SYT9: variants seen among roughly 807,000 people sequenced by gnomAD.
SYT9 encodes synaptotagmin 9.
SYT9 carries 22 observed loss-of-function variants against 48.4 expected under a neutral mutation model. That is an observed-to-expected ratio of 0.45 (90% CI 0.32 to 0.65). The LOEUF (loss-of-function observed/expected upper bound fraction) is 0.65. Among genes scored for constraint, SYT9 ranks in the 30% least tolerant of loss-of-function variants. The pLI, the probability that SYT9 is intolerant of heterozygous loss-of-function variation, is 0.03. For synonymous variants in SYT9, 265 were observed against 245.0 expected (o/e 1.08, Z -0.76); for missense variants, 577 against 622.0 (o/e 0.93, Z 0.77).
intron 3 of SYT9, among the ~76,000 whole-genome samples, chr11:7,378,658 A>T (rs1409617605): frequency 7.9e-5 from 12 of 152,090 alleles, no homozygotes; most frequent in Non-Finnish European, 1.8e-4. Flanking sequence ...TCCTATGAGT[A>T]TCCATGGAGC....
Position 7,417,980 on chromosome 11 carries a change from A to G in SYT9, c.1189A>G (p.Met397Val), listed in dbSNP as rs1239629417. 1 of 1,614,002 alleles carries G rather than the reference A, an allele frequency of 6.2e-7. No individual in the cohort carries two copies. The highest frequency in any genetic ancestry group is 8.5e-7 in the Non-Finnish European group (1 of 1,179,928). ...AGATCCCTATGTGAAAGTCTCGCTG[A>G]TGTGTGATGGCAGACGACTGAAGAA... ...ASDPYVKVSL[M>V]CDGRRLKKRK... Residue 397 changes from methionine (M) to valine (V), a missense_variant, in exon 5 of 7, where the codon ATG (methionine) becomes GTG (valine). Coordinates refer to ENST00000318881, the MANE Select transcript of SYT9 (RefSeq NM_175733.4).
chr11:7,464,093 A>G lies in SYT9; in HGVS notation c.1468-2699A>G, dbSNP rs543614592. On this transcript the variant is annotated intron_variant, in intron 6 of 6. Coordinates refer to ENST00000318881, the MANE Select transcript of SYT9 (RefSeq NM_175733.4). ...GGTACTTTGGGAGAGCTAAACCCAA[A>G]GCATTCTGAAGGAACTGCTTAAATG... Among the ~76,000 whole-genome samples the G allele has an allele frequency of 2.0e-5, 3 of 152,336 alleles. No individual in the cohort carries two copies. In the East Asian group the frequency reaches 5.8e-4, roughly 29 times the overall value.
At chr11:7,343,107 C>T (rs116368725) in intron 3 of SYT9, among the ~76,000 whole-genome samples, 3 of 152,294 alleles carry the variant, frequency 2.0e-5, no homozygotes, top group African/African-American at 2.4e-5. Flanking sequence ...GGCCTCTAGG[C>T]CTGTGATGGG....
intron 6 of SYT9, among the ~76,000 whole-genome samples, chr11:7,432,858 T>C (rs1390844572): frequency 6.6e-6 from 1 of 151,864 alleles, no homozygotes; most frequent in Admixed American, 6.6e-5. Context: ...GAATTAATGC[T>C]GGAATGACCT....
At chr11:7,443,568 C>T (rs112037111) in intron 6 of SYT9, among the ~76,000 whole-genome samples, 1 of 152,228 alleles carries the variant, frequency 6.6e-6, no homozygotes, top group Non-Finnish European at 1.5e-5. Flanking sequence ...CCAGCCAGCT[C>T]AGCTGAAATC....
At chr11:7,454,441 GAC>G (rs1848111857) in intron 6 of SYT9, 2 of 381,372 alleles carry the variant, frequency 5.2e-6, no homozygotes, top group African/African-American at 4.4e-5. Context: ...CCCAAGCACG[GAC>G]ACAGTCCCTT....
intron 1 of SYT9, among the ~76,000 whole-genome samples, chr11:7,269,966 G>T (rs533335762): frequency 3.3e-5 from 5 of 152,036 alleles, no homozygotes; most frequent in Non-Finnish European, 7.4e-5. Flanking sequence ...ACAACAGCAG[G>T]AACATTTTTA....
At chr11:7,375,563 C>T (rs560454119) in intron 3 of SYT9, among the ~76,000 whole-genome samples, 2 of 152,026 alleles carry the variant, frequency 1.3e-5, no homozygotes, top group African/African-American at 2.4e-5. Flanking sequence ...GAATGTTTTT[C>T]CATTTGTTTG....
intron 2 of SYT9, among the ~76,000 whole-genome samples, chr11:7,303,908 G>T (rs1848987642): frequency 6.6e-6 from 1 of 152,182 alleles, no homozygotes; most frequent in South Asian, 2.1e-4. Context: ...CCGCCGTGTG[G>T]CTGGAGGTCT....
chr11:7,319,905 C>G (rs1485940036), intron 3 of SYT9, among the ~76,000 whole-genome samples: 1 of 152,138 alleles, frequency 6.6e-6, no homozygotes, highest in Non-Finnish European at 1.5e-5. Context: ...CTGAAAAATT[C>G]TCTTTCTGGT....
chr11:7,460,287 A>G (rs1368189768), intron 6 of SYT9, among the ~76,000 whole-genome samples: 1 of 152,208 alleles, frequency 6.6e-6, no homozygotes, highest in African/African-American at 2.4e-5. Context: ...AAATTTTCCT[A>G]AACTTTTAAA....
At chr11:7,365,123 G>A (rs897571590) in intron 3 of SYT9, among the ~76,000 whole-genome samples, 1 of 151,956 alleles carries the variant, frequency 6.6e-6, no homozygotes. Flanking sequence ...TGACTGCAAG[G>A]CTTATGAAAT....
chr11:7,370,023 A>G (rs1850333459), intron 3 of SYT9, among the ~76,000 whole-genome samples: 1 of 151,922 alleles, frequency 6.6e-6, no homozygotes, highest in African/African-American at 2.4e-5. Flanking sequence ...ACGGCACCAT[A>G]TTTTTAGTCT....
chr11:7,371,289 T>C (rs1310796357), intron 3 of SYT9, among the ~76,000 whole-genome samples: 1 of 128,982 alleles, frequency 7.8e-6, no homozygotes, highest in Admixed American at 8.5e-5. Context: ...AATTTTGATA[T>C]GAATGAACAT....
chr11:7,383,953 A>G (rs1850610772), intron 3 of SYT9, among the ~76,000 whole-genome samples: 1 of 152,126 alleles, frequency 6.6e-6, no homozygotes, highest in African/African-American at 2.4e-5. Flanking sequence ...TTCTTTTTAA[A>G]TATGCTTCCA....
At chr11:7,374,963 G>T (rs1354355134) in intron 3 of SYT9, among the ~76,000 whole-genome samples, 1 of 152,156 alleles carries the variant, frequency 6.6e-6, no homozygotes, top group Admixed American at 6.5e-5. Flanking sequence ...TGTTGCCATT[G>T]CTTTCGGTGT....
At chr11:7,398,384 T>C (rs9804600) in intron 3 of SYT9, among the ~76,000 whole-genome samples, 119,922 of 150,926 alleles carry the variant, frequency 0.79, 47,887 homozygotes, top group Non-Finnish European at 0.84. Context: ...TCTGTGTCCA[T>C]GAGGATACTG....
intron 3 of SYT9, among the ~76,000 whole-genome samples, chr11:7,360,155 T>C (rs189513724): frequency 0.026 from 4,003 of 152,248 alleles, 121 homozygotes; most frequent in African/African-American, 0.072. Flanking sequence ...AAAGATCAGA[T>C]AGTTGTAGGT....
chr11:7,303,083 C>A lies in SYT9; in HGVS notation c.190C>A (p.Leu64Ile). The A allele has an allele frequency of 6.2e-7, 1 of 1,614,202 alleles. No individual in the cohort carries two copies. Among genetic ancestry groups the A allele is most frequent in the South Asian group, 1.1e-5 (1 of 91,072 alleles). Residue 64 changes from leucine (L) to isoleucine (I), a missense_variant, in exon 2 of 7, where the codon CTC (leucine) becomes ATC (isoleucine). Transcript: ENST00000318881. ...LLTLVVTACG[L>I]ALFGVSLFVS... Reference sequence around the variant, plus strand: ...GACCCTTGTGGTCACTGCCTGTGGTCTCGCTCTCTTTGGCGTGTCTCTCTT... The same window carrying A: ...GACCCTTGTGGTCACTGCCTGTGGTATCGCTCTCTTTGGCGTGTCTCTCTT...
Sources: gnomAD v4.1 joint callset for allele counts (sites outside exome capture counted in the v4.1 genomes callset) on GRCh38, gnomAD v4.1.1 for gene constraint, MANE v1.5 for transcripts, NCBI Gene and HGNC (gene_info 2026-07-23, HGNC 2026-07-21) for gene names.